FBXL22: variants seen among roughly 807,000 people sequenced by gnomAD.
The protein encoded by FBXL22 is F-box and leucine rich repeat protein 22.
A neutral mutation model predicts 11.7 loss-of-function variants in FBXL22; 13 were observed. That is an observed-to-expected ratio of 1.11 (90% CI 0.73 to 1.77). The LOEUF is 1.77. FBXL22 is among the 40% of genes most tolerant of loss of function. The pLI, the probability that FBXL22 is intolerant of heterozygous loss-of-function variation, is 0.00. For missense variants in FBXL22, 406 were observed against 320.4 expected, an observed-to-expected ratio of 1.27 and a Z score of -2.04; for synonymous variants, 160 against 144.1, an observed-to-expected ratio of 1.11 and a Z score of -0.79.
the FBXL22 span, among the ~76,000 whole-genome samples, chr15:63,608,376 A>G: frequency 6.6e-6 from 1 of 152,368 alleles, no homozygotes; most frequent in African/African-American, 2.4e-5. Flanking sequence ...GAGACCCAGG[A>G]TGACAGAAGA....
intron 1 of FBXL22, chr15:63,599,276 G>A (rs1271836990): frequency 6.6e-7 from 1 of 1,514,382 alleles, no homozygotes; most frequent in Non-Finnish European, 8.8e-7. Flanking sequence ...TGGCTGGGCA[G>A]GGGGACAGTC....
At chr15:63,599,853 G>T in intron 1 of FBXL22, 1 of 985,732 alleles carries the variant, frequency 1.0e-6, no homozygotes, top group Non-Finnish European at 1.2e-6. Context: ...ACTGCCTGTG[G>T]AAGGCCCCGT....
At chr15:63,607,463 T>A in the FBXL22 span, among the ~76,000 whole-genome samples, 1 of 152,356 alleles carries the variant, frequency 6.6e-6, no homozygotes, top group Admixed American at 6.5e-5. Flanking sequence ...TAAAGCCTCA[T>A]CTTTACCCAG....
chr15:63,600,877 C>A lies in FBXL22; in HGVS notation c.534C>A (p.His178Gln). The change falls in exon 2 of 2, where the codon CAC (histidine) becomes CAA (glutamine). Residue 178 changes from histidine (H) to glutamine (Q), a missense_variant. Physicochemically the swap from His to Gln is conservative, Grantham distance 24. Transcript: ENST00000638704. ...ACGGGCGCGCGCTGCAGACATTGCA[C>A]GTGGACTTCTGCCGCAACGTGAGCG... is the stretch of plus-strand genomic sequence containing the variant. Reference protein sequence around the residue: ...AADGRALQTLHVDFCRNVSAA... With the variant: ...AADGRALQTLQVDFCRNVSAA... 8.1e-7 allele frequency: 1 copy of A among 1,227,162 alleles called. No individual in the cohort carries two copies. The highest frequency in any genetic ancestry group is 4.1e-5 in the South Asian group (1 of 24,292). 76.0% of individuals were successfully genotyped at this position (1,227,162 alleles called of 1,614,324 possible).
chr15:63,608,360 G>C, the FBXL22 span, among the ~76,000 whole-genome samples: 1 of 152,210 alleles, frequency 6.6e-6, no homozygotes, highest in East Asian at 1.9e-4. Context: ...AGGGAACAAA[G>C]TCAGAGAGAC....
downstream of FBXL22, chr15:63,601,345 T>A: frequency 6.2e-7 from 1 of 1,603,772 alleles, no homozygotes; most frequent in Non-Finnish European, 8.5e-7. Context: ...TGCACCGTCC[T>A]CGGGGACTCC....
chr15:63,600,481 C>T (rs2067349232), intron 1 of FBXL22: 1 of 1,223,122 alleles, frequency 8.2e-7, no homozygotes, highest in Non-Finnish European at 1.0e-6. Context: ...CAAGAACCCA[C>T]GCAGATGAAG....
At chr15:63,601,921 C>G, downstream of FBXL22, 1 of 557,476 alleles carries the variant, frequency 1.8e-6, no homozygotes, top group Admixed American at 3.8e-5. Flanking sequence ...GACATGAGCA[C>G]AAGCCTAGGC....
chr15:63,599,748 T>C, intron 1 of FBXL22: 2 of 986,310 alleles, frequency 2.0e-6, no homozygotes, highest in Non-Finnish European at 2.4e-6. Flanking sequence ...TCTAGCTCCC[T>C]CTGGCTGCGG....
chr15:63,600,039 C>G (rs1020034579), intron 1 of FBXL22: 1 of 985,702 alleles, frequency 1.0e-6, no homozygotes, highest in Non-Finnish European at 1.2e-6. Flanking sequence ...TCTGGCCAAG[C>G]GACCTGGGTG....
At chr15:63,599,148 C>T (rs2067323057) in intron 1 of FBXL22, 2 of 1,484,086 alleles carry the variant, frequency 1.3e-6, no homozygotes, top group Non-Finnish European at 1.8e-6. Flanking sequence ...TTTTCTTATC[C>T]AACAGGGTAA....
chr15:63,605,240 T>C (rs776664309), downstream of FBXL22, among the ~76,000 whole-genome samples: 4 of 152,160 alleles, frequency 2.6e-5, no homozygotes, highest in East Asian at 1.9e-4. Flanking sequence ...TTAGAAGACA[T>C]GCAGCTGAGG....
downstream of FBXL22, among the ~76,000 whole-genome samples, chr15:63,605,725 A>G (rs1320436300): frequency 6.6e-6 from 1 of 152,096 alleles, no homozygotes; most frequent in Non-Finnish European, 1.5e-5. Context: ...ACATCCCTCA[A>G]CTCCTGCAAT....
chr15:63,597,716 C>A lies in FBXL22; in HGVS notation c.324C>A (p.Val108=). ...TCTGCAGCCGGCACGAGAGCCTGGT[C>A]AATGATTTCCTCCTCCGGGTGTGCG... The part of the protein sequence containing the change: ...RSICSRHESL[V]NDFLLRVCDR... Residue 108 remains valine, a synonymous_variant, in exon 1 of 2, where the codon GTC becomes GTA. Coordinates refer to ENST00000638704, the MANE Select transcript of FBXL22 (RefSeq NM_001367807.1). The surrounding 1 kb of genome is among the most constrained non-coding windows in gnomAD (Gnocchi z 4.3). The A allele has an allele frequency of 6.3e-7, 1 of 1,593,274 alleles. No homozygotes were observed. Among genetic ancestry groups the A allele is most frequent in the South Asian group, 1.1e-5 (1 of 89,950 alleles).
At chr15:63,607,560 T>C in the FBXL22 span, among the ~76,000 whole-genome samples, 3 of 152,262 alleles carry the variant, frequency 2.0e-5, no homozygotes, top group Non-Finnish European at 4.4e-5. Context: ...GAAGATGTCA[T>C]CATTCTAAAT....
At chr15:63,600,090 G>C in intron 1 of FBXL22, 1 of 985,754 alleles carries the variant, frequency 1.0e-6, no homozygotes, top group Non-Finnish European at 1.2e-6. Context: ...GCCTCTAGCT[G>C]CCTCCGAACC....
intron 1 of FBXL22, chr15:63,599,076 C>T: frequency 1.1e-6 from 1 of 913,252 alleles, no homozygotes; most frequent in Admixed American, 2.1e-5. Context: ...AACCATGTGA[C>T]CCCAGCTCAA....
the FBXL22 span, among the ~76,000 whole-genome samples, chr15:63,608,132 C>G: frequency 6.6e-6 from 1 of 152,216 alleles, no homozygotes; most frequent in African/African-American, 2.4e-5. Flanking sequence ...TCTGTAACAC[C>G]TTCCACTTGG....
chr15:63,600,899 AGCGCGGCCGGCCTGCGCCGCCT>A lies in FBXL22; in HGVS notation c.562_583del (p.Ala188ProfsTer71). 8.2e-7 allele frequency: 1 copy of A among 1,223,144 alleles called. No homozygotes were observed. Among genetic ancestry groups the A allele is most frequent in the African/African-American group, 1.6e-5 (1 of 64,008 alleles). 75.8% of individuals were successfully genotyped at this position (1,223,144 alleles called of 1,614,324 possible). A position where few individuals can be genotyped will look rare whatever the true frequency, so the allele number is the denominator to read the frequency against. The stretch of plus-strand genomic sequence containing the variant: ...GCACGTGGACTTCTGCCGCAACGTG[AGCGCGGCCGGCCTGCGCCGCCT>A]GCGCGCCGCGTGCCCGCGCCTGGCC... On this transcript the variant is annotated frameshift_variant, in exon 2 of 2. Coordinates refer to ENST00000638704, the MANE Select transcript of FBXL22 (RefSeq NM_001367807.1). LOFTEE classifies it high-confidence loss of function.
Sources: allele counts gnomAD v4.1 joint callset (sites outside exome capture counted in the v4.1 genomes callset), GRCh38; gene constraint gnomAD v4.1.1; non-coding constraint Gnocchi (gnomAD v3.1); transcripts MANE v1.5; gene names NCBI Gene and HGNC (gene_info 2026-07-23, HGNC 2026-07-21).